Variants in GSE1 observed in about 807,000 individuals in gnomAD.
GSE1 encodes genetic suppressor element 1.
Under a neutral mutation model 112.6 loss-of-function variants are expected in GSE1, and 32 were observed. The ratio of observed to expected loss-of-function variants is 0.28; its 90% CI spans 0.21 to 0.38. The LOEUF (loss-of-function observed/expected upper bound fraction) is 0.38, where lower values mean the gene tolerates loss of function less well. Among genes scored for constraint, GSE1 ranks in the 10% least tolerant of loss-of-function variants. The probability of loss-of-function intolerance (pLI) is 1.00; values close to 1 mark genes in which losing one functional copy is unlikely to be tolerated. For missense variants in GSE1, 2,348 were observed against 1,699.2 expected, an observed-to-expected ratio of 1.38 and a Z score of -6.71; for synonymous variants, 1,115 against 735.6, an observed-to-expected ratio of 1.52 and a Z score of -8.35.
chr16:85,400,650 CTG>C (rs2048085108), intron 2 of GSE1, among the ~76,000 whole-genome samples: 3 of 149,836 alleles, frequency 2.0e-5, no homozygotes, highest in Non-Finnish European at 4.4e-5. Flanking sequence ...GTGTGTGTCT[CTG>C]TGTCTGTGTA....
In GSE1 at chr16:85,654,400, C is replaced by G. The variant is rs377515560; in HGVS notation, c.549C>G (p.Phe183Leu). Reference sequence around the variant, plus strand: ...ACCTGCTCAGCACCCCCTACCCCTTCGGCCTCTCCCCCAGCTCAGTTGTGC... The same window carrying G: ...ACCTGCTCAGCACCCCCTACCCCTTGGGCCTCTCCCCCAGCTCAGTTGTGC... ...PSHLLSTPYPFGLSPSSVVQD... is the reference protein window; with the variant it reads ...PSHLLSTPYPLGLSPSSVVQD... Residue 183 changes from phenylalanine (F) to leucine (L), a missense_variant, in exon 4 of 16, where the codon TTC becomes TTG. Phe to Leu is a conservative substitution (Grantham distance 22). Coordinates refer to ENST00000253458, the MANE Select transcript of GSE1 (RefSeq NM_014615.5). The G allele has an allele frequency of 6.2e-7, 1 of 1,601,200 alleles. No homozygotes were observed. Among genetic ancestry groups the G allele is most frequent in the African/African-American group, 1.3e-5 (1 of 74,552 alleles).
At chr16:85,221,330 A>C (rs1209243953) in intron 1 of GSE1, among the ~76,000 whole-genome samples, 172 of 148,012 alleles carry the variant, frequency 1.2e-3, no homozygotes, top group African/African-American at 3.9e-3. Flanking sequence ...ACACACACAC[A>C]CACACCCCAA....
chr16:85,554,167 G>T (rs116502688), upstream of GSE1, among the ~76,000 whole-genome samples: 5 of 152,108 alleles, frequency 3.3e-5, no homozygotes, highest in African/African-American at 9.7e-5. Flanking sequence ...AGGAGAGGGT[G>T]GGGGGACGTG....
intron 1 of GSE1, among the ~76,000 whole-genome samples, chr16:85,259,532 G>A (rs1286885589): frequency 6.6e-6 from 1 of 152,276 alleles, no homozygotes; most frequent in East Asian, 1.9e-4. Context: ...CCCCAGGGCA[G>A]CCAGGGCACA....
At chr16:85,298,456 G>A (rs1331095643) in intron 1 of GSE1, among the ~76,000 whole-genome samples, 2 of 152,102 alleles carry the variant, frequency 1.3e-5, no homozygotes, top group Non-Finnish European at 2.9e-5. Context: ...TTGAGATGGA[G>A]TCTCTCTCTC....
At chr16:85,313,457 T>C (rs2045907280) in intron 1 of GSE1, among the ~76,000 whole-genome samples, 1 of 152,160 alleles carries the variant, frequency 6.6e-6, no homozygotes, top group Non-Finnish European at 1.5e-5. Flanking sequence ...CCTCCTCTCT[T>C]GCAGACAACG....
intron 1 of GSE1, among the ~76,000 whole-genome samples, chr16:85,210,455 G>T (rs1389651609): frequency 6.6e-6 from 1 of 152,144 alleles, no homozygotes; most frequent in African/African-American, 2.4e-5. Flanking sequence ...AATTAGCCGG[G>T]CATGATGCCT....
chr16:85,606,771 G>A (rs1443953888), upstream of GSE1, among the ~76,000 whole-genome samples: 1 of 152,206 alleles, frequency 6.6e-6, no homozygotes, highest in Non-Finnish European at 1.5e-5. Context: ...CTGGCTAGCA[G>A]GGGCCAACTT....
intron 2 of GSE1, among the ~76,000 whole-genome samples, chr16:85,474,615 C>T (rs546730157): frequency 6.6e-6 from 1 of 151,434 alleles, no homozygotes; most frequent in East Asian, 2.0e-4. Context: ...CCCCAGTCCC[C>T]CTTGCTCTTA....
intron 2 of GSE1, among the ~76,000 whole-genome samples, chr16:85,437,150 C>G (rs2049267313): frequency 6.6e-6 from 1 of 152,128 alleles, no homozygotes; most frequent in Non-Finnish European, 1.5e-5. Context: ...CCTGCCCCTC[C>G]CCACAGTCCC....
intron 2 of GSE1, among the ~76,000 whole-genome samples, chr16:85,636,714 T>C (rs1332874135): frequency 6.6e-6 from 1 of 152,084 alleles, no homozygotes; most frequent in Non-Finnish European, 1.5e-5. Flanking sequence ...GAGCCGCCGT[T>C]AGGACAGTTC....
At chr16:85,580,961 T>G (rs188210815) in intron 1 of GSE1, among the ~76,000 whole-genome samples, 66 of 152,300 alleles carry the variant, frequency 4.3e-4, no homozygotes, top group Non-Finnish European at 7.2e-4. Context: ...TCTGGGGTGT[T>G]TTGTTTGGTA....
chr16:85,554,833 TGGGCAGCCGGAGGG>T, upstream of GSE1: 1 of 975,874 alleles, frequency 1.0e-6, no homozygotes, highest in Non-Finnish European at 1.2e-6. Flanking sequence ...AGCGCGGAGT[TGGGCAGCCGGAGGG>T]GGGGCCAGCG....
intron 2 of GSE1, among the ~76,000 whole-genome samples, chr16:85,436,950 G>A (rs956941589): frequency 1.3e-5 from 2 of 152,228 alleles, no homozygotes; most frequent in African/African-American, 4.8e-5. Flanking sequence ...CTTAAAAAAT[G>A]TGGGGATGGG....
chr16:85,586,488 C>G (rs1287357654), intron 1 of GSE1, among the ~76,000 whole-genome samples: 1 of 152,206 alleles, frequency 6.6e-6, no homozygotes, highest in Non-Finnish European at 1.5e-5. Flanking sequence ...CATCATCGGT[C>G]GGCCCTGGTA....
At chr16:85,317,732 C>T (rs1034959517) in intron 1 of GSE1, among the ~76,000 whole-genome samples, 6 of 152,176 alleles carry the variant, frequency 3.9e-5, no homozygotes, top group African/African-American at 9.7e-5. Context: ...ATGCACCCTG[C>T]GCTGGCTCAT....
At chr16:85,540,867 A>G (rs1238275530) in intron 2 of GSE1, among the ~76,000 whole-genome samples, 1 of 152,148 alleles carries the variant, frequency 6.6e-6, no homozygotes, top group East Asian at 1.9e-4. Context: ...TGATTGCACC[A>G]CTGCACTCCG....
chr16:85,622,836 G>C lies in GSE1; in HGVS notation c.7+9438G>C, dbSNP rs879809487. On this transcript the variant is annotated intron_variant, in intron 1 of 15. Coordinates refer to ENST00000253458, the MANE Select transcript of GSE1 (RefSeq NM_014615.5). ...TACACCCTCATGGAGTTACCGTGTC[G>C]ATGACATCTGAGTGGAGTGTCTGTG... Among the ~76,000 whole-genome samples the C allele has an allele frequency of 9.2e-5, 14 of 152,144 alleles. 1 individual carries two copies. The highest frequency in any genetic ancestry group is 2.0e-4 in the Admixed American group (3 of 15,282).
chr16:85,465,036 G>A (rs577921082), intron 2 of GSE1, among the ~76,000 whole-genome samples: 7 of 152,342 alleles, frequency 4.6e-5, no homozygotes, highest in Non-Finnish European at 7.4e-5. Flanking sequence ...AGGTGCAGAC[G>A]GGAGAGGCTG....
Sources: allele counts gnomAD v4.1 joint callset (sites outside exome capture counted in the v4.1 genomes callset), GRCh38; gene constraint gnomAD v4.1.1; transcripts MANE v1.5; gene names NCBI Gene and HGNC (gene_info 2026-07-23, HGNC 2026-07-21).